The following DDHD2 variants were observed in gnomAD, a reference collection of about 807,000 sequenced individuals.
DDHD2 encodes the protein DDHD domain containing 2.
Under a neutral mutation model 91.2 loss-of-function variants are expected in DDHD2, and 62 were observed. The observed-to-expected ratio is 0.68, with a 90% CI of 0.55 to 0.84. DDHD2 has a LOEUF of 0.84. DDHD2 is among the 40% of genes least tolerant of loss of function. The pLI, the probability that DDHD2 is intolerant of heterozygous loss-of-function variation, is 0.00. For synonymous variants in DDHD2, 271 were observed against 293.9 expected (o/e 0.92, Z 0.80); for missense variants, 740 against 846.9 (o/e 0.87, Z 1.57).
At chr8:38,269,350 C>G (rs1291816864) in intron 1 of DDHD2, 2 of 805,988 alleles carry the variant, frequency 2.5e-6, no homozygotes, top group African/African-American at 3.7e-5. Flanking sequence ...AGGGCATCGT[C>G]TGGCAAAGGG....
intron 1 of DDHD2, chr8:38,268,865 G>A: frequency 6.5e-7 from 1 of 1,540,944 alleles, no homozygotes. Context: ...GAGGAAAGAC[G>A]ATCTTTCTCC....
chr8:38,258,986 T>C (rs1806751886), intron 16 of DDHD2, among the ~76,000 whole-genome samples: 1 of 152,198 alleles, frequency 6.6e-6, no homozygotes, highest in African/African-American at 2.4e-5. Context: ...CATGAGAAAT[T>C]GATAACATTG....
intron 5 of DDHD2, chr8:38,239,001 C>G (rs144369262): frequency 6.6e-6 from 1 of 152,248 alleles, no homozygotes; most frequent in African/African-American, 2.4e-5. Flanking sequence ...AAAGTTGAAT[C>G]TCTGTAAAAA....
intron 3 of DDHD2, among the ~76,000 whole-genome samples, chr8:38,236,047 C>T (rs1804710815): frequency 6.6e-6 from 1 of 152,118 alleles, no homozygotes; most frequent in African/African-American, 2.4e-5. Flanking sequence ...GAGTGTCGTT[C>T]TGTTTCCCAG....
At chr8:38,246,435 C>T (rs1184283938) in intron 9 of DDHD2, 135 bp downstream of exon 9, 8 of 627,796 alleles carry the variant, frequency 1.3e-5, no homozygotes. Flanking sequence ...TTCATTTTAA[C>T]AGACTTTTAA....
At chr8:38,240,458 A>C (rs1805164407) in intron 6 of DDHD2, 94 bp downstream of exon 6, 1 of 927,004 alleles carries the variant, frequency 1.1e-6, no homozygotes, top group African/African-American at 1.6e-5. Context: ...GCTGCATAAG[A>C]AGATTTGGAG....
intron 6 of DDHD2, among the ~76,000 whole-genome samples, chr8:38,240,571 C>T (rs1805173048): frequency 6.6e-6 from 1 of 152,172 alleles, no homozygotes; most frequent in African/African-American, 2.4e-5. Flanking sequence ...TTGTAATAGT[C>T]TCAAATGAAC....
chr8:38,245,695 T>G, intron 7 of DDHD2, 47 bp from the exon 8 acceptor site: 4 of 1,504,032 alleles, frequency 2.7e-6, no homozygotes, highest in Middle Eastern at 1.7e-4. Flanking sequence ...GAAGCAGCTA[T>G]TAAGTGTATT....
At chr8:38,242,033 T>TAAAA in intron 6 of DDHD2, 2 of 427,138 alleles carry the variant, frequency 4.7e-6, no homozygotes, top group East Asian at 4.7e-5. Flanking sequence ...CAGCTTGGGT[T>TAAAA]ACAGAGCAGT....
intron 1 of DDHD2, chr8:38,270,899 C>T (rs1465986453): frequency 1.1e-4 from 16 of 152,196 alleles, no homozygotes. Flanking sequence ...GTCACTTATG[C>T]AATGGACTGA....
rs572255417 is a variant in DDHD2 at position 38,234,496 on chromosome 8, C to T, written c.323C>T (p.Ser108Leu). 16 of 1,613,234 alleles carry T rather than the reference C, an allele frequency of 9.9e-6. No homozygotes were observed. The highest frequency in any genetic ancestry group is 6.7e-5 in the African/African-American group (5 of 74,978). The change falls in exon 3 of 18, where the codon TCG (serine) becomes TTG (leucine). Residue 108 changes from serine to leucine, a missense_variant. This residue lies in a region of DDHD2 where 693 missense variants were observed against 764.2 expected (regional missense o/e 0.91). Coordinates refer to ENST00000397166, the MANE Select transcript of DDHD2 (RefSeq NM_015214.3). ...RYAVYWDELASEVRRCTWFYK... is the reference protein window; with the variant it reads ...RYAVYWDELALEVRRCTWFYK... ...GCTGTATACTGGGATGAACTGGCATCGGAAGTGAGACGATGTACGTGGTTT... is the reference window on the plus strand; with the variant it reads ...GCTGTATACTGGGATGAACTGGCATTGGAAGTGAGACGATGTACGTGGTTT...
intron 1 of DDHD2, chr8:38,268,557 A>C (rs1585826841): frequency 1.3e-6 from 2 of 1,512,528 alleles, no homozygotes; most frequent in East Asian, 4.9e-5. Context: ...GACTCACTGG[A>C]GCTAACATAA....
chr8:38,240,826 A>C (rs1033881470), intron 6 of DDHD2, among the ~76,000 whole-genome samples: 1 of 152,130 alleles, frequency 6.6e-6, no homozygotes, highest in Non-Finnish European at 1.5e-5. Flanking sequence ...TAATCCCAGC[A>C]CTTTGGGAGG....
chr8:38,236,106 G>A (rs1804720423), intron 3 of DDHD2, among the ~76,000 whole-genome samples: 1 of 152,044 alleles, frequency 6.6e-6, no homozygotes, highest in Non-Finnish European at 1.5e-5. Flanking sequence ...TCTGCCTCCT[G>A]GGTTCTTGCC....
intron 15 of DDHD2, 155 bp from the exon 16 acceptor site, chr8:38,253,401 A>G (rs1402273016): frequency 1.3e-6 from 1 of 770,094 alleles, no homozygotes; most frequent in Non-Finnish European, 2.0e-6. Context: ...CCTGAGAAGG[A>G]GCTTGAAGGA....
intron 7 of DDHD2, among the ~76,000 whole-genome samples, chr8:38,242,993 C>G (rs1380091209): frequency 6.6e-6 from 1 of 152,074 alleles, no homozygotes; most frequent in Admixed American, 6.6e-5. Flanking sequence ...AGAATAGAAC[C>G]AGGAGATGCA....
intron 1 of DDHD2, chr8:38,269,040 C>T: frequency 6.5e-7 from 1 of 1,532,120 alleles, no homozygotes; most frequent in South Asian, 1.2e-5. Context: ...TTCCTCCCCG[C>T]TTCCCCACTG....
At chr8:38,242,218 T>C in intron 6 of DDHD2, 32 bp from the exon 7 acceptor site, 1 of 1,543,998 alleles carries the variant, frequency 6.5e-7, no homozygotes, top group Non-Finnish European at 8.8e-7. Context: ...TGTTACTTCA[T>C]TGTTGATGCA....
chr8:38,257,870 G>T (rs1359721164), intron 16 of DDHD2, among the ~76,000 whole-genome samples: 2 of 151,402 alleles, frequency 1.3e-5, no homozygotes, highest in African/African-American at 2.4e-5. Flanking sequence ...CACCATGTTG[G>T]TCAGGCTGGT....
Sources: gnomAD v4.1 joint callset for allele counts (sites outside exome capture counted in the v4.1 genomes callset) on GRCh38, gnomAD v4.1.1 for gene constraint, gnomAD v4.1.1 regional missense constraint, MANE v1.5 for transcripts, NCBI Gene and HGNC (gene_info 2026-07-23, HGNC 2026-07-21) for gene names.